CORIN: variants seen among roughly 807,000 people sequenced by gnomAD.
CORIN encodes atrial natriuretic peptide-converting enzyme.
Under a neutral mutation model 125.3 loss-of-function variants are expected in CORIN, and 117 were observed. That is an observed-to-expected ratio of 0.93 (90% CI 0.80 to 1.09). The LOEUF (loss-of-function observed/expected upper bound fraction) is 1.09. Among genes scored for constraint, CORIN ranks in the 50% least tolerant of loss-of-function variants. The pLI is 0.00. For missense variants in CORIN, 1,253 were observed against 1,306.7 expected, an observed-to-expected ratio of 0.96 and a Z score of 0.63; for synonymous variants, 450 against 466.4, an observed-to-expected ratio of 0.96 and a Z score of 0.45.
In CORIN at chr4:47,628,337, G is replaced by T. The variant is rs761233451; in HGVS notation, c.2199-1816C>A. 1.1e-4 allele frequency among the ~76,000 whole-genome samples: 16 copies of T among 151,562 alleles called. No homozygotes were observed. In the East Asian group the frequency reaches 2.1e-3, roughly 20 times the overall value. Reference sequence around the variant, plus strand: ...GAGGCATTCTTAACAAATAAAAATTGTACATATTTAAGGGGTGTAATGTAA... The same window carrying T: ...GAGGCATTCTTAACAAATAAAAATTTTACATATTTAAGGGGTGTAATGTAA... On this transcript the variant is annotated intron_variant, in intron 16 of 21. Coordinates refer to ENST00000273857, the MANE Select transcript of CORIN (RefSeq NM_006587.4).
intron 3 of CORIN, among the ~76,000 whole-genome samples, chr4:47,778,608 G>C (rs957948799): frequency 6.6e-6 from 1 of 152,198 alleles, no homozygotes; most frequent in African/African-American, 2.4e-5. Flanking sequence ...GTCTTTACTA[G>C]AATGCTGACA....
At chr4:47,710,861 G>T (rs893033834) in intron 5 of CORIN, among the ~76,000 whole-genome samples, 2 of 152,182 alleles carry the variant, frequency 1.3e-5, no homozygotes, top group Non-Finnish European at 2.9e-5. Context: ...CTGCTCACAC[G>T]CATGATCTAT....
rs755563993 is a variant in CORIN, at chr4:47,651,474, T to G, written c.1843+2079A>C. ...CATCAACCTGACTTCCTTATTTGAT[T>G]TGAAGTGGTGTGTCCTCCCAAATCA... On this transcript the variant is annotated intron_variant, in intron 13 of 21. Transcript: ENST00000273857. Among the ~76,000 whole-genome samples the G allele has an allele frequency of 2.0e-5, 3 of 152,320 alleles. No individual in the cohort carries two copies. The East Asian group carries it at 5.8e-4, about 29-fold the overall frequency.
chr4:47,653,571 T>C lies in CORIN; in HGVS notation c.1825A>G (p.Ser609Gly), dbSNP rs567342777. Residue 609 changes from serine to glycine, a missense_variant, in exon 13 of 22, where the codon AGT (serine) becomes GGT (glycine). Ser to Gly is a moderately conservative substitution (Grantham distance 56, BLOSUM62 0). Transcript: ENST00000273857. ...TACATACCACAGTTTTCCTCATCACTGTCATCGTCACAGTCGGCCTGGCCA... is the reference window on the plus strand; with the variant it reads ...TACATACCACAGTTTTCCTCATCACCGTCATCGTCACAGTCGGCCTGGCCA... ...CDGQADCDDD[S>G]DEENCGCKER... 5.6e-6 allele frequency: 9 copies of C among 1,614,068 alleles called. No individual in the cohort carries two copies. In the South Asian group the frequency reaches 9.9e-5, roughly 18 times the overall value.
intron 21 of CORIN, among the ~76,000 whole-genome samples, chr4:47,597,150 C>A (rs1340233709): frequency 6.6e-6 from 1 of 151,904 alleles, no homozygotes; most frequent in Non-Finnish European, 1.5e-5. Context: ...TCAGGAGTTC[C>A]AGACCAACTT....
chr4:47,624,031 A>G, intron 17 of CORIN, 83 bp from the exon 18 acceptor site: 1 of 1,120,510 alleles, frequency 8.9e-7, no homozygotes, highest in Non-Finnish European at 1.3e-6. Context: ...GAAATACAAG[A>G]CAGCTCCAAC....
chr4:47,724,653 G>GT (rs1294395667), intron 5 of CORIN, among the ~76,000 whole-genome samples: 2 of 152,138 alleles, frequency 1.3e-5, no homozygotes, highest in Non-Finnish European at 2.9e-5. Context: ...CAAGGCTAAT[G>GT]TAACAGTCAA....
chr4:47,711,966 C>G (rs555234363), intron 5 of CORIN, among the ~76,000 whole-genome samples: 8 of 152,196 alleles, frequency 5.3e-5, no homozygotes, highest in African/African-American at 1.9e-4. Flanking sequence ...ATTGCTACTA[C>G]GAGAAAGCAG....
intron 12 of CORIN, among the ~76,000 whole-genome samples, chr4:47,660,113 C>T (rs1724177644): frequency 6.6e-6 from 1 of 152,144 alleles, no homozygotes; most frequent in Non-Finnish European, 1.5e-5. Context: ...GTGAATGGTG[C>T]TGAGAAAACT....
chr4:47,698,947 C>T (rs2109754131), intron 5 of CORIN, among the ~76,000 whole-genome samples: 1 of 152,272 alleles, frequency 6.6e-6, no homozygotes, highest in East Asian at 1.9e-4. Context: ...AGCCTAAAAG[C>T]CATAGGCTGG....
At chr4:47,770,266 C>T (rs755042505) in intron 3 of CORIN, among the ~76,000 whole-genome samples, 1 of 152,096 alleles carries the variant, frequency 6.6e-6, no homozygotes, top group Non-Finnish European at 1.5e-5. Flanking sequence ...TTCAACATCT[C>T]TAGCCATCAG....
At chr4:47,620,102 T>G (rs1252741283) in intron 19 of CORIN, among the ~76,000 whole-genome samples, 1 of 152,322 alleles carries the variant, frequency 6.6e-6, no homozygotes, top group Middle Eastern at 3.4e-3. Flanking sequence ...TATCACACTG[T>G]AATCTAATTA....
intron 13 of CORIN, among the ~76,000 whole-genome samples, chr4:47,647,384 C>G (rs1354574589): frequency 2.0e-5 from 3 of 152,084 alleles, no homozygotes; most frequent in Non-Finnish European, 4.4e-5. Context: ...ATGAGTTTTT[C>G]CTGACGATTC....
At position 47,683,955 on chromosome 4, in the gene CORIN, C is replaced by T. The variant is rs987286222; in HGVS notation, c.914-117G>A. The T allele has an allele frequency of 2.2e-5, 15 of 683,374 alleles. No individual in the cohort carries two copies. The East Asian group carries it at 3.5e-4, about 16-fold the overall frequency. 42.3% of individuals were successfully genotyped at this position (683,374 alleles called of 1,614,324 possible). A position where few individuals can be genotyped will look rare whatever the true frequency, so the allele number is the denominator to read the frequency against. ...CACCCTAATGGTAACCTGGTCCACACCTATTGTTTTATAGGTGAGAAGGTG... is the reference window on the plus strand; with the variant it reads ...CACCCTAATGGTAACCTGGTCCACATCTATTGTTTTATAGGTGAGAAGGTG... On this transcript the variant is annotated intron_variant, in intron 6 of 21. Coordinates refer to ENST00000273857, the MANE Select transcript of CORIN (RefSeq NM_006587.4).
rs183589254 is a variant in CORIN, at chr4:47,619,616, A to T, written c.2540+3955T>A. On this transcript the variant is annotated intron_variant, in intron 19 of 21. Coordinates refer to ENST00000273857, the MANE Select transcript of CORIN (RefSeq NM_006587.4). Reference sequence around the variant, plus strand: ...TTCATGAAACTTACCAAGGCCTTTAATATTATGTACGTGCCTTTAATTATA... The same window carrying T: ...TTCATGAAACTTACCAAGGCCTTTATTATTATGTACGTGCCTTTAATTATA... 5.9e-5 allele frequency among the ~76,000 whole-genome samples: 9 copies of T among 152,314 alleles called. No homozygotes were observed. The East Asian group carries it at 1.7e-3, about 29-fold the overall frequency.
chr4:47,831,428 G>A (rs771184009), intron 1 of CORIN: 10 of 152,310 alleles, frequency 6.6e-5, no homozygotes, highest in South Asian at 2.1e-4. Flanking sequence ...CTTTATGAGT[G>A]AAGAGAAAGG....
chr4:47,715,683 T>C (rs1186477526), intron 5 of CORIN, among the ~76,000 whole-genome samples: 1 of 152,158 alleles, frequency 6.6e-6, no homozygotes, highest in East Asian at 1.9e-4. Flanking sequence ...GTCTTTCTGG[T>C]TTGTGTCAGG....
At chr4:47,621,850 CTTTT>C (rs869215076) in intron 19 of CORIN, among the ~76,000 whole-genome samples, 1 of 138,734 alleles carries the variant, frequency 7.2e-6, no homozygotes, top group Non-Finnish European at 1.6e-5. Flanking sequence ...AGATAAAAAT[CTTTT>C]TTTTTTTTTT....
chr4:47,734,076 T>C lies in CORIN; in HGVS notation c.799+10326A>G, dbSNP rs1408310367. ...AAGATGGTCCCAGGATGGTGGACTA[T>C]TTGGGGGAGGATGGAGCCTGGGGGA... is the stretch of plus-strand genomic sequence containing the variant. On this transcript the variant is annotated intron_variant, in intron 5 of 21. Coordinates refer to ENST00000273857, the MANE Select transcript of CORIN (RefSeq NM_006587.4). Among the ~76,000 whole-genome samples the C allele has an allele frequency of 2.6e-5, 4 of 151,892 alleles. No individual in the cohort carries two copies. The East Asian group carries it at 5.8e-4, about 22-fold the overall frequency.
Sources: gnomAD v4.1 joint callset for allele counts (sites outside exome capture counted in the v4.1 genomes callset) on GRCh38, gnomAD v4.1.1 for gene constraint, MANE v1.5 for transcripts, NCBI Gene and HGNC (gene_info 2026-07-23, HGNC 2026-07-21) for gene names.